PRPF3: variants seen among roughly 807,000 people sequenced by gnomAD.
PRPF3 encodes pre-mRNA processing factor 3, also known as U4/U6 small nuclear ribonucleoprotein Prp3.
In PRPF3, 3 loss-of-function variants were observed where a neutral mutation model predicts 89.2. The ratio of observed to expected loss-of-function variants is 0.03; its 90% confidence interval spans 0.02 to 0.09. The LOEUF (loss-of-function observed/expected upper bound fraction) is 0.09. PRPF3 is among the 10% of genes least tolerant of loss of function. The pLI is 1.00. For synonymous variants in PRPF3, 270 were observed against 289.1 expected (o/e 0.93, Z 0.67); for missense variants, 463 against 828.8 (o/e 0.56, Z 5.42).
intron 15 of PRPF3, 137 bp from the exon 16 acceptor site, chr1:150,352,696 T>C (rs1553874657): frequency 1.1e-6 from 1 of 918,082 alleles, no homozygotes; most frequent in African/African-American, 1.7e-5. Context: ...GAAATGGAGG[T>C]CACAATTTTT....
intron 15 of PRPF3, among the ~76,000 whole-genome samples, chr1:150,351,512 T>G (rs1658921211): frequency 6.6e-6 from 1 of 151,984 alleles, no homozygotes; most frequent in African/African-American, 2.4e-5. Context: ...ATCAACTTTT[T>G]TTTTTAGAGA....
chr1:150,330,906 A>G (rs1656291384), intron 4 of PRPF3, among the ~76,000 whole-genome samples: 1 of 149,230 alleles, frequency 6.7e-6, no homozygotes, highest in Non-Finnish European at 1.5e-5. Context: ...TTTAGTAGAG[A>G]CGGGGTTTCA....
rs923886703 is a variant in PRPF3, at chr1:150,323,838, G to A, written c.-48-1057G>A. On this transcript the variant is annotated intron_variant, in intron 1 of 15. Transcript: ENST00000324862. The stretch of plus-strand genomic sequence containing the variant: ...GTTGCCCAGGCTGGAGTGCAGTGGC[G>A]CGATCTTGGCTCACTGCAACCTCTG... Among the ~76,000 whole-genome samples, 7 of 147,470 alleles carry A rather than the reference G, an allele frequency of 4.7e-5. No individual in the cohort carries two copies. The South Asian group carries it at 6.5e-4, about 14-fold the overall frequency.
At chr1:150,349,014 AAAT>A (rs1323498756) in intron 14 of PRPF3, 140 bp from the exon 15 acceptor site, 1 of 758,282 alleles carries the variant, frequency 1.3e-6, no homozygotes, top group Admixed American at 2.0e-5. Context: ...AATTTGGGGA[AAAT>A]AAAGAGCAAC....
At chr1:150,324,802 C>A in intron 1 of PRPF3, 93 bp from the exon 2 acceptor site, 1 of 1,023,788 alleles carries the variant, frequency 9.8e-7, no homozygotes. Context: ...CCACCTTGGC[C>A]TCCCAAAGTG....
intron 13 of PRPF3, 130 bp downstream of exon 13, chr1:150,346,266 C>A: frequency 8.1e-7 from 1 of 1,234,946 alleles, no homozygotes; most frequent in Non-Finnish European, 1.2e-6. Flanking sequence ...TAGGTCTCTG[C>A]TTCTGTGTTT....
Position 150,327,187 on chromosome 1 carries a change from C to T in PRPF3, c.277-1133C>T, listed in dbSNP as rs587652102. 5.3e-5 allele frequency among the ~76,000 whole-genome samples: 8 copies of T among 151,912 alleles called. No homozygotes were observed. The South Asian group carries it at 1.5e-3, about 28-fold the overall frequency. ...GGTTCAAGTGATTCTCCTGCCTCAGCCTCCTGAGTAGCTGGGATTACAGGC... is the reference window on the plus strand; with the variant it reads ...GGTTCAAGTGATTCTCCTGCCTCAGTCTCCTGAGTAGCTGGGATTACAGGC... On this transcript the variant is annotated intron_variant, in intron 3 of 15. Transcript: ENST00000324862.
chr1:150,338,539 C>A (rs1553868950), intron 8 of PRPF3, among the ~76,000 whole-genome samples: 3 of 133,106 alleles, frequency 2.3e-5, no homozygotes, highest in Non-Finnish European at 4.6e-5. Context: ...CTCGCTCTGT[C>A]ACCCAGGCTG....
intron 7 of PRPF3, among the ~76,000 whole-genome samples, chr1:150,337,665 C>G (rs1284727941): frequency 6.6e-6 from 1 of 151,398 alleles, no homozygotes; most frequent in African/African-American, 2.4e-5. Flanking sequence ...GTAGTCCCAG[C>G]TACTCGGGAG....
In PRPF3 at chr1:150,338,198, A is replaced by G; in HGVS notation, c.1074A>G (p.Ala358=). Residue 358 remains alanine (A), a synonymous_variant, in exon 8 of 16, where the codon GCA becomes GCG. Coordinates refer to ENST00000324862, the MANE Select transcript of PRPF3 (RefSeq NM_004698.4). ...AGCTACAGGCAGAGATTTCACAAGC[A>G]GCTCGAAAAACAGGCATCCATACTT... The part of the protein sequence containing the change: ...LEKLQAEISQ[A]ARKTGIHTST... 1.9e-6 allele frequency: 3 copies of G among 1,614,154 alleles called. No homozygotes were observed. The highest frequency in any genetic ancestry group is 2.5e-6 in the Non-Finnish European group (3 of 1,180,032).
chr1:150,336,054 C>T (rs1386326552), intron 7 of PRPF3, among the ~76,000 whole-genome samples: 1 of 152,170 alleles, frequency 6.6e-6, no homozygotes, highest in African/African-American at 2.4e-5. Context: ...AGGCGTGAGC[C>T]ACTGTGCTGG....
chr1:150,348,207 C>T (rs1296055470), intron 14 of PRPF3, among the ~76,000 whole-genome samples: 4 of 151,642 alleles, frequency 2.6e-5, no homozygotes, highest in Admixed American at 6.6e-5. Context: ...GGTGAAACCC[C>T]GTCTCTACTA....
chr1:150,322,937 C>G (rs587611573), intron 1 of PRPF3, among the ~76,000 whole-genome samples: 1 of 149,342 alleles, frequency 6.7e-6, no homozygotes, highest in Non-Finnish European at 1.5e-5. Context: ...TGCAGTGGTG[C>G]GATCTCGGCT....
chr1:150,327,911 C>A, intron 3 of PRPF3: 1 of 213,576 alleles, frequency 4.7e-6, no homozygotes, highest in Non-Finnish European at 9.5e-6. Flanking sequence ...TAATATGAAC[C>A]AAGCTCTTAC....
rs587609102 is a variant in PRPF3, at chr1:150,337,840, C to T, written c.1036-320C>T. ...CTGTAATCCCATCACTTTGGGAGGC[C>T]GAGGCGGGCAGATCACCTGAGGTCG... On this transcript the variant is annotated intron_variant, in intron 7 of 15. Transcript: ENST00000324862. Among the ~76,000 whole-genome samples, 3 of 151,756 alleles carry T rather than the reference C, an allele frequency of 2.0e-5. No individual in the cohort carries two copies. In the East Asian group the frequency reaches 5.8e-4, roughly 29 times the overall value.
In PRPF3 at chr1:150,345,640, C is replaced by T. The variant is rs887099065; in HGVS notation, c.1641-378C>T. The T allele has an allele frequency of 1.3e-4, 39 of 295,112 alleles. 1 individual carries two copies. The highest frequency in any genetic ancestry group is 1.2e-3 in the Middle Eastern group (1 of 808). The allele number at this position is 295,112 out of a possible 1,614,324, so 18.3% of individuals were successfully genotyped here. The stretch of plus-strand genomic sequence containing the variant: ...CTGGGATTACAGGCATGAGCCACCG[C>T]ACCCAGCCAAGTAATCCTATATTAT... On this transcript the variant is annotated intron_variant, in intron 12 of 15. Transcript: ENST00000324862.
chr1:150,348,016 G>C (rs74379539), intron 14 of PRPF3, among the ~76,000 whole-genome samples: 1,538 of 152,274 alleles, frequency 0.01, 21 homozygotes, highest in African/African-American at 0.034. Context: ...TTGAAGGCCA[G>C]ACATTCTTCT....
At chr1:150,352,409 T>C (rs1410056317) in intron 15 of PRPF3, among the ~76,000 whole-genome samples, 1 of 152,238 alleles carries the variant, frequency 6.6e-6, no homozygotes, top group Non-Finnish European at 1.5e-5. Context: ...CTCACGCCTA[T>C]AATCCCAGCA....
At chr1:150,340,636 G>A (rs1657593299) in intron 9 of PRPF3, among the ~76,000 whole-genome samples, 159 bp downstream of exon 9, 1 of 151,982 alleles carries the variant, frequency 6.6e-6, no homozygotes, top group Non-Finnish European at 1.5e-5. Flanking sequence ...ACAATAGTTT[G>A]TTGTTTGACC....
Sources: gnomAD v4.1 joint callset for allele counts (sites outside exome capture counted in the v4.1 genomes callset) on GRCh38, gnomAD v4.1.1 for gene constraint, MANE v1.5 for transcripts, NCBI Gene and HGNC (gene_info 2026-07-23, HGNC 2026-07-21) for gene names.